Variants in MCC observed in about 807,000 individuals in gnomAD.
MCC encodes the protein colorectal mutant cancer protein.
MCC carries 90 observed loss-of-function variants against 116.2 expected under a neutral mutation model. That is an observed-to-expected ratio of 0.77 (90% CI 0.65 to 0.92). The LOEUF is 0.92. Ranked by LOEUF, MCC falls within the 40% of genes least tolerant of loss-of-function variation. The pLI, the probability that MCC is intolerant of heterozygous loss-of-function variation, is 0.00. For missense variants in MCC, 1,516 were observed against 1,312.2 expected (o/e 1.16, Z -2.40); for synonymous variants, 578 against 510.5 (o/e 1.13, Z -1.78).
intron 3 of MCC, among the ~76,000 whole-genome samples, chr5:113,332,688 A>C (rs1420055926): frequency 6.6e-6 from 1 of 151,688 alleles, no homozygotes; most frequent in Admixed American, 6.6e-5. Context: ...AGGGCCAATA[A>C]AATATAACAT....
intron 3 of MCC, among the ~76,000 whole-genome samples, chr5:113,238,465 C>G (rs75667950): frequency 0.025 from 3,740 of 152,222 alleles, 155 homozygotes; most frequent in African/African-American, 0.085. Context: ...ATTTCACTCT[C>G]TCTCCTAAAA....
At chr5:113,336,280 G>GT (rs1767866189) in intron 3 of MCC, among the ~76,000 whole-genome samples, 1 of 151,660 alleles carries the variant, frequency 6.6e-6, no homozygotes, top group Admixed American at 6.6e-5. Flanking sequence ...AACCATAGCA[G>GT]GCACTATGCA....
At chr5:113,071,358 GAC>G (rs1422645950) in intron 11 of MCC, 124 bp from the exon 12 acceptor site, 1 of 948,036 alleles carries the variant, frequency 1.1e-6, no homozygotes, top group Admixed American at 2.3e-5. Context: ...ATTAGTAGCT[GAC>G]ACAGTATTTT....
At chr5:113,220,190 T>C (rs1201149961) in intron 3 of MCC, among the ~76,000 whole-genome samples, 1 of 130,156 alleles carries the variant, frequency 7.7e-6, no homozygotes, top group South Asian at 3.3e-4. Context: ...CCTCAGTAGC[T>C]GGGATTACAG....
chr5:113,055,371 G>C (rs1037069569), intron 14 of MCC, among the ~76,000 whole-genome samples: 4 of 152,164 alleles, frequency 2.6e-5, no homozygotes, highest in Non-Finnish European at 5.9e-5. Context: ...CTCAGTAGCT[G>C]TAGTCCCCAC....
At chr5:113,319,277 T>C (rs557344666) in intron 3 of MCC, among the ~76,000 whole-genome samples, 1 of 152,390 alleles carries the variant, frequency 6.6e-6, no homozygotes, top group South Asian at 2.1e-4. Flanking sequence ...ACCAAAGCTC[T>C]GATCCTGGGG....
chr5:113,075,399 C>T (rs78378265), intron 11 of MCC, among the ~76,000 whole-genome samples: 29,500 of 152,164 alleles, frequency 0.19, 3,016 homozygotes, highest in East Asian at 0.29. Context: ...TCCCATCGAC[C>T]GCCCAAGGGC....
At chr5:113,441,353 C>G (rs1253220592) in intron 1 of MCC, among the ~76,000 whole-genome samples, 1 of 151,806 alleles carries the variant, frequency 6.6e-6, no homozygotes, top group Non-Finnish European at 1.5e-5. Flanking sequence ...CAAAACAAAA[C>G]AAAACAAAAA....
intron 3 of MCC, among the ~76,000 whole-genome samples, chr5:113,298,693 G>C (rs1372644655): frequency 6.6e-6 from 1 of 152,232 alleles, no homozygotes; most frequent in African/African-American, 2.4e-5. Flanking sequence ...GGCTTGGATA[G>C]GAGGGGATGC....
chr5:113,187,136 C>T (rs1277480867), intron 3 of MCC, among the ~76,000 whole-genome samples: 1 of 152,144 alleles, frequency 6.6e-6, no homozygotes, highest in Non-Finnish European at 1.5e-5. Flanking sequence ...ATAGTTTATC[C>T]TCCACTCCTC....
At chr5:113,107,471 G>A (rs962350298) in intron 6 of MCC, among the ~76,000 whole-genome samples, 2 of 152,100 alleles carry the variant, frequency 1.3e-5, no homozygotes, top group South Asian at 4.1e-4. Context: ...GTTCCTTGTT[G>A]TGGACCTCGA....
chr5:113,275,965 GTTTTGT>G (rs1207873725), intron 3 of MCC, among the ~76,000 whole-genome samples: 21 of 121,032 alleles, frequency 1.7e-4, no homozygotes, highest in African/African-American at 6.7e-4. Context: ...GATTTCACTT[GTTTTGT>G]TTTTTTTTTT....
At chr5:113,484,070 G>A (rs577858110) in intron 1 of MCC, among the ~76,000 whole-genome samples, 27 of 152,170 alleles carry the variant, frequency 1.8e-4, no homozygotes, top group Admixed American at 1.3e-3. Flanking sequence ...GGAGGGGGAG[G>A]ATCAGGAAAA....
chr5:113,387,757 G>A (rs915823672), intron 1 of MCC, among the ~76,000 whole-genome samples: 2 of 152,082 alleles, frequency 1.3e-5, no homozygotes, highest in Non-Finnish European at 2.9e-5. Flanking sequence ...TACCTCATAG[G>A]GCTGCTCTGA....
At chr5:113,115,987 C>T (rs1038712088) in intron 6 of MCC, among the ~76,000 whole-genome samples, 1 of 152,166 alleles carries the variant, frequency 6.6e-6, no homozygotes, top group African/African-American at 2.4e-5. Flanking sequence ...GCCTCCATGG[C>T]TCTCTGTCAT....
intron 1 of MCC, among the ~76,000 whole-genome samples, chr5:113,405,536 C>T (rs375978660): frequency 3.9e-5 from 6 of 152,264 alleles, no homozygotes; most frequent in African/African-American, 1.2e-4. Context: ...TGCCTGTAAT[C>T]CCAGCACTTT....
intron 6 of MCC, among the ~76,000 whole-genome samples, chr5:113,118,992 C>G (rs1472690743): frequency 6.6e-6 from 1 of 152,206 alleles, no homozygotes; most frequent in African/African-American, 2.4e-5. Flanking sequence ...CTTCCATGCT[C>G]CTCCCCGAGG....
intron 3 of MCC, among the ~76,000 whole-genome samples, chr5:113,265,371 A>G (rs1351976069): frequency 6.6e-6 from 1 of 152,156 alleles, no homozygotes; most frequent in Non-Finnish European, 1.5e-5. Flanking sequence ...CAAGGCTATG[A>G]CGTCACAGAA....
chr5:113,475,242 G>A (rs1772206928), intron 1 of MCC, among the ~76,000 whole-genome samples: 1 of 152,190 alleles, frequency 6.6e-6, no homozygotes, highest in Non-Finnish European at 1.5e-5. Context: ...TGATGTGAAT[G>A]TTTTAAATAA....
Sources: allele counts gnomAD v4.1 joint callset (sites outside exome capture counted in the v4.1 genomes callset), GRCh38; gene constraint gnomAD v4.1.1; transcripts MANE v1.5; gene names NCBI Gene and HGNC (gene_info 2026-07-23, HGNC 2026-07-21).